Variants in PRKAR2A observed in about 807,000 individuals in gnomAD.
PRKAR2A encodes protein kinase cAMP-dependent type II regulatory subunit alpha, also known as cAMP-dependent protein kinase type II-alpha regulatory subunit.
Under a neutral mutation model 51.9 loss-of-function variants are expected in PRKAR2A, and 29 were observed. The observed-to-expected ratio is 0.56, with a 90% CI of 0.42 to 0.76. The LOEUF (loss-of-function observed/expected upper bound fraction) is 0.76, where lower values mean the gene tolerates loss of function less well. Ranked by LOEUF, PRKAR2A falls within the 30% of genes least tolerant of loss-of-function variation. The pLI, the probability that PRKAR2A is intolerant of heterozygous loss-of-function variation, is 0.00. For missense variants in PRKAR2A, 445 were observed against 512.1 expected, an observed-to-expected ratio of 0.87 and a Z score of 1.26; for synonymous variants, 178 against 186.2, an observed-to-expected ratio of 0.96 and a Z score of 0.36.
intron 1 of PRKAR2A, among the ~76,000 whole-genome samples, chr3:48,812,408 G>C (rs2082788782): frequency 6.6e-6 from 1 of 151,716 alleles, no homozygotes; most frequent in Non-Finnish European, 1.5e-5. Context: ...AGTAGGTTCT[G>C]AGGTGTAGTA....
chr3:48,750,493 G>T lies in PRKAR2A; in HGVS notation c.*1092C>A, dbSNP rs1189335804. On this transcript the variant is annotated 3_prime_UTR_variant, in exon 11 of 11. Transcript: ENST00000265563. ...TACAATTATAGGCATGAGCCATTGAGCCTGGCCTGAGAATTTTCTTTAATT... is the reference window on the plus strand; with the variant it reads ...TACAATTATAGGCATGAGCCATTGATCCTGGCCTGAGAATTTTCTTTAATT... 1.3e-5 allele frequency: 2 copies of T among 152,222 alleles called. No individual in the cohort carries two copies. Among genetic ancestry groups the T allele is most frequent in the African/African-American group, 4.8e-5 (2 of 41,440 alleles). The allele number at this position is 152,222 out of a possible 1,614,324, so 9.4% of individuals were successfully genotyped here. A position where few individuals can be genotyped will look rare whatever the true frequency, so the allele number is the denominator to read the frequency against.
At chr3:48,838,424 T>G (rs982608146) in intron 1 of PRKAR2A, among the ~76,000 whole-genome samples, 4 of 151,436 alleles carry the variant, frequency 2.6e-5, no homozygotes, top group African/African-American at 9.7e-5. Flanking sequence ...CTGGCCATCA[T>G]GGTGAAACCC....
chr3:48,763,357 T>C lies in PRKAR2A; in HGVS notation c.873+1647A>G, dbSNP rs376147666. Among the ~76,000 whole-genome samples, 7 of 152,230 alleles carry C rather than the reference T, an allele frequency of 4.6e-5. No individual in the cohort carries two copies. In the East Asian group the frequency reaches 9.6e-4, roughly 21 times the overall value. The stretch of plus-strand genomic sequence containing the variant: ...TTAATGTCCATTCTGTACCACTACC[T>C]ATCTACCTTGAAGATAGATAGCACT... On this transcript the variant is annotated intron_variant, in intron 8 of 10. Coordinates refer to ENST00000265563, the MANE Select transcript of PRKAR2A (RefSeq NM_004157.4).
At chr3:48,793,124 A>C (rs1199459972) in intron 3 of PRKAR2A, among the ~76,000 whole-genome samples, 1 of 151,934 alleles carries the variant, frequency 6.6e-6, no homozygotes, top group Non-Finnish European at 1.5e-5. Flanking sequence ...TATATATTTC[A>C]AATTTTTTAA....
At chr3:48,836,929 G>A (rs372750544) in intron 1 of PRKAR2A, among the ~76,000 whole-genome samples, 3 of 151,948 alleles carry the variant, frequency 2.0e-5, no homozygotes, top group South Asian at 2.1e-4. Flanking sequence ...TCAGGAGTTC[G>A]AGACCAGCCT....
chr3:48,791,903 C>CAAAAAAA (rs1177374619), intron 3 of PRKAR2A, among the ~76,000 whole-genome samples: 3 of 41,880 alleles, frequency 7.2e-5, no homozygotes, highest in African/African-American at 1.2e-4. Flanking sequence ...AACTCTGTCT[C>CAAAAAAA]AAAAAAAAAA....
At chr3:48,821,675 T>G (rs2082962831) in intron 1 of PRKAR2A, among the ~76,000 whole-genome samples, 1 of 152,096 alleles carries the variant, frequency 6.6e-6, no homozygotes, top group Non-Finnish European at 1.5e-5. Context: ...CCCAGCACTT[T>G]GGGAGGCCGA....
chr3:48,846,038 T>C (rs1182883699), intron 1 of PRKAR2A, among the ~76,000 whole-genome samples: 5 of 152,078 alleles, frequency 3.3e-5, no homozygotes, highest in Admixed American at 2.6e-4. Context: ...CCTTATTGCG[T>C]ACTCTTGGAG....
chr3:48,771,771 G>T (rs2082032031), intron 6 of PRKAR2A, among the ~76,000 whole-genome samples: 1 of 151,572 alleles, frequency 6.6e-6, no homozygotes, highest in South Asian at 2.1e-4. Context: ...CCAGGATATG[G>T]CCTATTTGGG....
At chr3:48,785,258 A>ATTTTTT (rs1198962303) in intron 4 of PRKAR2A, among the ~76,000 whole-genome samples, 1 of 123,894 alleles carries the variant, frequency 8.1e-6, no homozygotes, top group South Asian at 2.6e-4. Flanking sequence ...GGCCTGGATA[A>ATTTTTT]TTTTTTTTTT....
intron 1 of PRKAR2A, among the ~76,000 whole-genome samples, chr3:48,837,241 C>T (rs2083301530): frequency 6.6e-6 from 1 of 152,076 alleles, no homozygotes; most frequent in East Asian, 1.9e-4. Flanking sequence ...GATTTCAAGG[C>T]TGTAATGACC....
At chr3:48,744,935 C>T (rs528169143), downstream of PRKAR2A, among the ~76,000 whole-genome samples, 25 of 151,940 alleles carry the variant, frequency 1.6e-4, no homozygotes, top group South Asian at 4.2e-3. Context: ...AGTGCAGTGG[C>T]GCAATCTTGG....
At chr3:48,840,324 G>A (rs1223741545) in intron 1 of PRKAR2A, among the ~76,000 whole-genome samples, 2 of 151,576 alleles carry the variant, frequency 1.3e-5, no homozygotes, top group Admixed American at 6.6e-5. Flanking sequence ...GTGAAACCCC[G>A]TCTCTACTAA....
At chr3:48,815,758 C>T (rs189303981) in intron 1 of PRKAR2A, among the ~76,000 whole-genome samples, 4 of 151,258 alleles carry the variant, frequency 2.6e-5, no homozygotes, top group East Asian at 1.9e-4. Flanking sequence ...TGGTGGCTCA[C>T]GCCTGTAATC....
chr3:48,756,584 G>A, intron 8 of PRKAR2A, 140 bp from the exon 9 acceptor site: 1 of 628,012 alleles, frequency 1.6e-6, no homozygotes, highest in South Asian at 2.2e-5. Flanking sequence ...AACAAATTCA[G>A]AGCAGGCAAT....
intron 5 of PRKAR2A, 60 bp downstream of exon 5, chr3:48,782,926 T>G: frequency 8.3e-7 from 1 of 1,204,578 alleles, no homozygotes; most frequent in Non-Finnish European, 1.2e-6. Context: ...ATAAAGCATC[T>G]GCCCTGAGTC....
At chr3:48,802,231 A>G (rs1336793890) in intron 2 of PRKAR2A, among the ~76,000 whole-genome samples, 1 of 151,998 alleles carries the variant, frequency 6.6e-6, no homozygotes, top group Non-Finnish European at 1.5e-5. Flanking sequence ...TAGTAGAGAC[A>G]GGATTTCACC....
At chr3:48,791,345 C>T (rs1575884057) in intron 3 of PRKAR2A, among the ~76,000 whole-genome samples, 1 of 149,628 alleles carries the variant, frequency 6.7e-6, no homozygotes, top group East Asian at 2.0e-4. Context: ...GCCTGTAATC[C>T]CAGCACTTTG....
intron 1 of PRKAR2A, among the ~76,000 whole-genome samples, chr3:48,823,659 G>A (rs753020951): frequency 4.0e-5 from 6 of 151,184 alleles, no homozygotes; most frequent in Non-Finnish European, 5.9e-5. Flanking sequence ...GGTGGCGCAC[G>A]TCTGTGGTCC....
Sources: allele counts gnomAD v4.1 joint callset (sites outside exome capture counted in the v4.1 genomes callset), GRCh38; gene constraint gnomAD v4.1.1; transcripts MANE v1.5; gene names NCBI Gene and HGNC (gene_info 2026-07-23, HGNC 2026-07-21).